Variants in CDH12 observed in about 807,000 individuals in gnomAD.
CDH12 encodes the protein cadherin 12.
A neutral mutation model predicts 74.1 loss-of-function variants in CDH12; 41 were observed. That is an observed-to-expected ratio of 0.55 (90% CI 0.43 to 0.72). The LOEUF (loss-of-function observed/expected upper bound fraction) is 0.72. Ranked by LOEUF, CDH12 falls within the 30% of genes least tolerant of loss-of-function variation. The pLI is 0.00. For missense variants in CDH12, 945 were observed against 977.2 expected (o/e 0.97, Z 0.44); for synonymous variants, 399 against 355.0 (o/e 1.12, Z -1.39).
At chr5:22,130,560 A>C (rs1244651866) in intron 4 of CDH12, among the ~76,000 whole-genome samples, 3 of 152,094 alleles carry the variant, frequency 2.0e-5, no homozygotes, top group Non-Finnish European at 2.9e-5. Flanking sequence ...CTGAATGTAA[A>C]AAGGGAATGA....
intron 3 of CDH12, among the ~76,000 whole-genome samples, chr5:22,396,348 G>T (rs1477606557): frequency 6.6e-6 from 1 of 152,062 alleles, no homozygotes; most frequent in Non-Finnish European, 1.5e-5. Flanking sequence ...GTGGAGCAAA[G>T]GAGACTTTCT....
At chr5:22,811,481 G>T (rs1402893764) in intron 1 of CDH12, among the ~76,000 whole-genome samples, 3 of 152,094 alleles carry the variant, frequency 2.0e-5, no homozygotes, top group Non-Finnish European at 4.4e-5. Context: ...CTACAGGTGT[G>T]TTACAGTGAT....
At chr5:22,660,047 C>T (rs1740265347) in intron 1 of CDH12, among the ~76,000 whole-genome samples, 1 of 152,000 alleles carries the variant, frequency 6.6e-6, no homozygotes, top group South Asian at 2.1e-4. Context: ...GAGTTGAATG[C>T]ATTCACATTT....
chr5:22,036,023 T>C (rs1434782405), intron 5 of CDH12, among the ~76,000 whole-genome samples: 4 of 152,174 alleles, frequency 2.6e-5, no homozygotes, highest in Non-Finnish European at 5.9e-5. Flanking sequence ...GTTGGGTGAA[T>C]GCAGCCGGCA....
chr5:22,367,463 T>C (rs574903175), intron 3 of CDH12, among the ~76,000 whole-genome samples: 1 of 152,176 alleles, frequency 6.6e-6, no homozygotes, highest in Non-Finnish European at 1.5e-5. Flanking sequence ...AAATATATGT[T>C]GTTAGTTGGT....
At chr5:22,117,526 A>ATATATATATAT (rs1745244779) in intron 4 of CDH12, among the ~76,000 whole-genome samples, 1 of 62,528 alleles carries the variant, frequency 1.6e-5, no homozygotes, top group African/African-American at 6.8e-5. Flanking sequence ...TATATATAAT[A>ATATATATATAT]TATATATATA....
chr5:22,250,909 C>T (rs1487629257), intron 3 of CDH12, among the ~76,000 whole-genome samples: 1 of 152,080 alleles, frequency 6.6e-6, no homozygotes, highest in African/African-American at 2.4e-5. Context: ...AATGTATTTT[C>T]AGCAAAGAAG....
intron 1 of CDH12, among the ~76,000 whole-genome samples, chr5:22,726,450 C>T (rs959572616): frequency 3.3e-5 from 5 of 151,802 alleles, no homozygotes; most frequent in African/African-American, 1.2e-4. Context: ...TACTGAAAGA[C>T]ATATTGATTA....
At chr5:22,389,688 G>A (rs556199119) in intron 3 of CDH12, among the ~76,000 whole-genome samples, 12 of 141,634 alleles carry the variant, frequency 8.5e-5, no homozygotes, top group East Asian at 6.2e-4. Context: ...TCACTCTGTC[G>A]CCAGGCTGGA....
intron 1 of CDH12, among the ~76,000 whole-genome samples, chr5:22,542,812 G>A (rs4144683): frequency 0.056 from 8,527 of 152,126 alleles, 353 homozygotes; most frequent in East Asian, 0.19. Context: ...ACAGCAAAGC[G>A]TATATGGAAT....
At chr5:22,679,840 T>C (rs944383605) in intron 1 of CDH12, among the ~76,000 whole-genome samples, 1 of 152,040 alleles carries the variant, frequency 6.6e-6, no homozygotes, top group Admixed American at 6.6e-5. Context: ...ATGTAAGAAA[T>C]AGAACAAAGA....
chr5:22,101,517 G>A (rs1440370418), intron 4 of CDH12, among the ~76,000 whole-genome samples: 1 of 152,122 alleles, frequency 6.6e-6, no homozygotes, highest in African/African-American at 2.4e-5. Context: ...AATGGAAAGT[G>A]TATTGCTTCC....
intron 1 of CDH12, among the ~76,000 whole-genome samples, chr5:22,660,459 A>G (rs1740288291): frequency 6.6e-6 from 1 of 152,200 alleles, no homozygotes; most frequent in Non-Finnish European, 1.5e-5. Flanking sequence ...TGTGTTGAAA[A>G]TTATACATAT....
chr5:22,256,231 T>A (rs1320436109), intron 3 of CDH12, among the ~76,000 whole-genome samples: 2 of 152,166 alleles, frequency 1.3e-5, no homozygotes, highest in Non-Finnish European at 1.5e-5. Context: ...AATATTACTA[T>A]CGTACATCCA....
At chr5:22,772,100 G>A (rs1288597255) in intron 1 of CDH12, among the ~76,000 whole-genome samples, 1 of 152,030 alleles carries the variant, frequency 6.6e-6, no homozygotes, top group Non-Finnish European at 1.5e-5. Context: ...CTAGGTGTTA[G>A]GGAATGATGT....
intron 6 of CDH12, among the ~76,000 whole-genome samples, chr5:21,973,990 T>A (rs1322112229): frequency 6.6e-6 from 1 of 151,704 alleles, no homozygotes; most frequent in Non-Finnish European, 1.5e-5. Context: ...TTCAAGCTGA[T>A]TTCTTAGGTC....
chr5:22,323,652 T>G (rs1261044392), intron 3 of CDH12, among the ~76,000 whole-genome samples: 1 of 152,132 alleles, frequency 6.6e-6, no homozygotes, highest in Non-Finnish European at 1.5e-5. Flanking sequence ...GCTCTGTAAG[T>G]ACAAGGCCCA....
At chr5:22,209,956 G>T (rs1751436225) in intron 4 of CDH12, among the ~76,000 whole-genome samples, 1 of 151,344 alleles carries the variant, frequency 6.6e-6, no homozygotes, top group East Asian at 2.0e-4. Context: ...TGTGCCCTTG[G>T]CCCAGTTACA....
intron 3 of CDH12, among the ~76,000 whole-genome samples, chr5:22,258,188 G>A (rs1753386091): frequency 6.6e-6 from 1 of 151,882 alleles, no homozygotes; most frequent in South Asian, 2.1e-4. Context: ...TTATTCTTTT[G>A]GGTCACATTT....
Sources: gnomAD v4.1 joint callset for allele counts (sites outside exome capture counted in the v4.1 genomes callset) on GRCh38, gnomAD v4.1.1 for gene constraint, MANE v1.5 for transcripts, NCBI Gene and HGNC (gene_info 2026-07-23, HGNC 2026-07-21) for gene names.